The following MSI2 variants were observed in gnomAD, a reference collection of about 807,000 sequenced individuals.
The protein encoded by MSI2 is musashi RNA binding protein 2, also known as RNA-binding protein Musashi homolog 2.
MSI2 carries 17 observed loss-of-function variants against 45.6 expected under a neutral mutation model. The ratio of observed to expected loss-of-function variants is 0.37; its 90% CI spans 0.26 to 0.56. The LOEUF (loss-of-function observed/expected upper bound fraction) is 0.56. MSI2 is among the 20% of genes least tolerant of loss of function. MSI2 has a pLI of 0.77. For synonymous variants in MSI2, 156 were observed against 158.2 expected (o/e 0.99, Z 0.11); for missense variants, 293 against 444.2 (o/e 0.66, Z 3.06).
intron 7 of MSI2, among the ~76,000 whole-genome samples, chr17:57,548,032 G>A (rs575969712): frequency 6.6e-6 from 1 of 151,866 alleles, no homozygotes; most frequent in Non-Finnish European, 1.5e-5. Flanking sequence ...AAGAATCAAA[G>A]CATCATTGCA....
At chr17:57,386,046 G>A (rs976390862) in intron 5 of MSI2, among the ~76,000 whole-genome samples, 2 of 152,200 alleles carry the variant, frequency 1.3e-5, no homozygotes, top group Non-Finnish European at 2.9e-5. Flanking sequence ...ATGAATGCCA[G>A]TGGTTTCTGG....
At chr17:57,383,776 G>T (rs1021610215) in intron 5 of MSI2, among the ~76,000 whole-genome samples, 1 of 152,202 alleles carries the variant, frequency 6.6e-6, no homozygotes, top group Non-Finnish European at 1.5e-5. Flanking sequence ...GTGTGCCTTG[G>T]GGGTGGTTAT....
intron 12 of MSI2, among the ~76,000 whole-genome samples, chr17:57,675,570 G>C (rs1343298134): frequency 1.8e-4 from 27 of 152,156 alleles, no homozygotes; most frequent in Admixed American, 1.8e-3. Context: ...CTGTCATGTG[G>C]GCTGGGACCT....
chr17:57,649,028 G>A (rs556486671), intron 10 of MSI2, among the ~76,000 whole-genome samples: 1 of 152,286 alleles, frequency 6.6e-6, no homozygotes, highest in South Asian at 2.1e-4. Flanking sequence ...GGCCTGTCCT[G>A]GAGACAGCCT....
chr17:57,438,845 A>G (rs915671212), intron 6 of MSI2, among the ~76,000 whole-genome samples: 2 of 149,514 alleles, frequency 1.3e-5, no homozygotes, highest in Non-Finnish European at 3.0e-5. Context: ...CTTGTTGCCC[A>G]GGCTGGAGTG....
chr17:57,372,216 GCTCT>G (rs1408036453), intron 5 of MSI2, among the ~76,000 whole-genome samples: 2 of 152,186 alleles, frequency 1.3e-5, no homozygotes, highest in African/African-American at 4.8e-5. Context: ...GTTTGGCAAA[GCTCT>G]CTCTTTCGGG....
intron 7 of MSI2, among the ~76,000 whole-genome samples, chr17:57,581,230 C>A (rs1446470673): frequency 1.3e-5 from 2 of 152,174 alleles, no homozygotes; most frequent in East Asian, 3.9e-4. Context: ...CCAGGCTGGT[C>A]TTGAACTCCT....
At chr17:57,526,481 AC>A in intron 6 of MSI2, among the ~76,000 whole-genome samples, 1 of 151,514 alleles carries the variant, frequency 6.6e-6, no homozygotes, top group Admixed American at 6.6e-5. Context: ...AGGATTGAAT[AC>A]CAGTTACCTT....
In MSI2 at chr17:57,627,187, G is replaced by A. The variant is rs773568559; in HGVS notation, c.653-42G>A. The A allele has an allele frequency of 1.1e-5, 17 of 1,573,076 alleles. No individual in the cohort carries two copies. Among genetic ancestry groups the A allele is most frequent in the East Asian group, 4.5e-5 (2 of 44,686 alleles). On this transcript the variant is annotated intron_variant, in intron 9 of 13. Transcript: ENST00000284073. This position sits in a 1 kb window ranked among gnomAD's most constrained non-coding sequence, Gnocchi z 4.6. ...TGAGATTTTACCCCAGACCTGAGGC[G>A]GCTGTACTAACAGGACTCTGATCTT... is the stretch of plus-strand genomic sequence containing the variant.
intron 11 of MSI2, among the ~76,000 whole-genome samples, chr17:57,663,698 C>G (rs1259215657): frequency 6.6e-6 from 1 of 152,216 alleles, no homozygotes; most frequent in Non-Finnish European, 1.5e-5. Context: ...TCCAGTTTTG[C>G]TGTGTCCTTC....
At chr17:57,498,963 TGTGTCCAA>T (rs2143852343) in intron 6 of MSI2, among the ~76,000 whole-genome samples, 1 of 127,924 alleles carries the variant, frequency 7.8e-6, no homozygotes, top group East Asian at 2.5e-4. Context: ...TCCCCCTTCC[TGTGTCCAA>T]GTGTTCTCAT....
At chr17:57,335,885 T>G (rs1914657999) in intron 5 of MSI2, among the ~76,000 whole-genome samples, 1 of 152,100 alleles carries the variant, frequency 6.6e-6, no homozygotes, top group East Asian at 1.9e-4. Context: ...GTAGACTATT[T>G]GGGGCTAGTG....
At chr17:57,257,578 AT>A in intron 3 of MSI2, 31 bp downstream of exon 3, 1 of 1,461,140 alleles carries the variant, frequency 6.8e-7, no homozygotes, top group Non-Finnish European at 9.6e-7. Context: ...TTTTGTCTTT[AT>A]TTTAGAACAA....
chr17:57,640,755 A>T (rs1910184717), intron 10 of MSI2, among the ~76,000 whole-genome samples: 1 of 152,226 alleles, frequency 6.6e-6, no homozygotes. Flanking sequence ...CATCTATTAA[A>T]TGGGAATAGT....
chr17:57,633,889 A>T (rs1204058629), intron 10 of MSI2, among the ~76,000 whole-genome samples: 1 of 152,154 alleles, frequency 6.6e-6, no homozygotes, highest in African/African-American at 2.4e-5. Context: ...TCCCATTTTT[A>T]TCCCCCATGA....
At chr17:57,445,598 G>A (rs952080707) in intron 6 of MSI2, among the ~76,000 whole-genome samples, 3 of 152,086 alleles carry the variant, frequency 2.0e-5, no homozygotes, top group Non-Finnish European at 4.4e-5. Context: ...AGGTTTAATT[G>A]TATAAAGATT....
intron 5 of MSI2, among the ~76,000 whole-genome samples, chr17:57,303,622 T>C (rs1347600718): frequency 6.6e-6 from 1 of 152,204 alleles, no homozygotes; most frequent in Non-Finnish European, 1.5e-5. Flanking sequence ...AAAAAATCTT[T>C]ACTCAAATAA....
intron 6 of MSI2, among the ~76,000 whole-genome samples, chr17:57,488,561 G>A (rs1342130632): frequency 6.6e-6 from 1 of 152,112 alleles, no homozygotes; most frequent in Non-Finnish European, 1.5e-5. Flanking sequence ...AGTGGCTCAC[G>A]CCTGTAATCC....
chr17:57,324,319 G>A (rs373815480), intron 5 of MSI2, among the ~76,000 whole-genome samples: 7 of 152,174 alleles, frequency 4.6e-5, no homozygotes, highest in East Asian at 3.9e-4. Flanking sequence ...GAGGGGTACC[G>A]CATGAGGTGG....
Sources: gnomAD v4.1 joint callset for allele counts (sites outside exome capture counted in the v4.1 genomes callset) on GRCh38, gnomAD v4.1.1 for gene constraint, Gnocchi (gnomAD v3.1) non-coding constraint, MANE v1.5 for transcripts, NCBI Gene and HGNC (gene_info 2026-07-23, HGNC 2026-07-21) for gene names.